The following MED12L variants were observed in gnomAD, a reference collection of about 807,000 sequenced individuals.
MED12L encodes mediator of RNA polymerase II transcription subunit 12-like protein.
A neutral mutation model predicts 281.3 loss-of-function variants in MED12L; 60 were observed. The observed-to-expected ratio is 0.21, with a 90% confidence interval of 0.17 to 0.26. The LOEUF is 0.26. Among genes scored for constraint, MED12L ranks in the 10% least tolerant of loss-of-function variants. The pLI is 1.00. For missense variants in MED12L, 2,146 were observed against 2,680.9 expected (o/e 0.80, Z 4.41); for synonymous variants, 974 against 987.2 (o/e 0.99, Z 0.25).
chr3:151,410,590 A>G lies in MED12L; in HGVS notation c.5911-688A>G, dbSNP rs144838188. On this transcript the variant is annotated intron_variant, in intron 40 of 44. Coordinates refer to ENST00000687756, the MANE Select transcript of MED12L (RefSeq NM_001393769.1). ...ACAGAACTTCAGGTTTCTCTTTTCC[A>G]TAAGGTGACAATACACAAAGAACTA... Among the ~76,000 whole-genome samples the G allele has an allele frequency of 1.5e-3, 225 of 152,318 alleles. 2 individuals are homozygous for G. Among genetic ancestry groups the G allele is most frequent in the African/African-American group, 5.0e-3 (206 of 41,572 alleles).
At chr3:151,298,247 A>G (rs1745366519) in intron 16 of MED12L, among the ~76,000 whole-genome samples, 1 of 152,200 alleles carries the variant, frequency 6.6e-6, no homozygotes. Context: ...AATATTGACC[A>G]GTAAAAGTGA....
chr3:151,361,487 A>G (rs768835584), intron 21 of MED12L, among the ~76,000 whole-genome samples: 70 of 152,150 alleles, frequency 4.6e-4, no homozygotes, highest in Non-Finnish European at 8.2e-4. Flanking sequence ...CAGTTAACCT[A>G]CTTGCTATCT....
chr3:151,381,853 G>T (rs531327871), intron 32 of MED12L, among the ~76,000 whole-genome samples: 12 of 152,318 alleles, frequency 7.9e-5, no homozygotes, highest in Admixed American at 2.6e-4. Context: ...TCACCTTGCA[G>T]GGTACTTACA....
At chr3:151,237,833 TC>T (rs1208050257) in intron 16 of MED12L, among the ~76,000 whole-genome samples, 1 of 152,230 alleles carries the variant, frequency 6.6e-6, no homozygotes, top group African/African-American at 2.4e-5. Flanking sequence ...GGGCATCTCT[TC>T]ATATGATCAC....
chr3:151,328,394 A>G, intron 16 of MED12L: 1 of 1,613,838 alleles, frequency 6.2e-7, no homozygotes, highest in Non-Finnish European at 8.5e-7. Context: ...CATTAGGATA[A>G]AAACAGTCCA....
intron 4 of MED12L, among the ~76,000 whole-genome samples, chr3:151,123,820 A>G (rs931284413): frequency 6.6e-6 from 1 of 152,114 alleles, no homozygotes; most frequent in African/African-American, 2.4e-5. Context: ...CTATTTTCCA[A>G]AGCAACTCTT....
In MED12L at chr3:151,156,233, C is replaced by T. The variant is rs1719259486; in HGVS notation, c.629C>T (p.Ser210Phe). 1.9e-6 allele frequency: 3 copies of T among 1,613,592 alleles called. No individual in the cohort carries two copies. The highest frequency in any genetic ancestry group is 2.5e-6 in the Non-Finnish European group (3 of 1,179,786). The change falls in exon 6 of 45, where the codon TCC (serine) becomes TTC (phenylalanine). Residue 210 changes from serine to phenylalanine, a missense_variant. Coordinates refer to ENST00000687756, the MANE Select transcript of MED12L (RefSeq NM_001393769.1). ...ATTTCTGACTTTTACCACATGGCCTCCAGCACGGGCGATGGCCCTGTCCCT... is the reference window on the plus strand; with the variant it reads ...ATTTCTGACTTTTACCACATGGCCTTCAGCACGGGCGATGGCCCTGTCCCT... ...AKISDFYHMASSTGDGPVPVP... is the reference protein window; with the variant it reads ...AKISDFYHMAFSTGDGPVPVP...
chr3:151,357,182 C>T (rs1375425242), intron 19 of MED12L, 31 bp from the exon 20 acceptor site: 2 of 1,534,164 alleles, frequency 1.3e-6, no homozygotes, highest in Admixed American at 2.0e-5. Flanking sequence ...TTGGCACCTA[C>T]ATGTTTATTC....
At chr3:151,113,174 G>A (rs1712183240) in intron 2 of MED12L, among the ~76,000 whole-genome samples, 1 of 152,206 alleles carries the variant, frequency 6.6e-6, no homozygotes, top group Admixed American at 6.5e-5. Context: ...TTCTCATTGA[G>A]AATGTGAAAT....
intron 16 of MED12L, among the ~76,000 whole-genome samples, chr3:151,244,020 A>G (rs1734809612): frequency 7.9e-6 from 1 of 126,782 alleles, no homozygotes; most frequent in Non-Finnish European, 1.8e-5. Flanking sequence ...GAGACAAAGA[A>G]GGCCATTACA....
chr3:151,376,262 A>G, intron 28 of MED12L, 48 bp downstream of exon 28: 1 of 1,321,000 alleles, frequency 7.6e-7, no homozygotes, highest in Non-Finnish European at 9.9e-7. Context: ...AATTCTTCGT[A>G]ATAATAAAAA....
rs145503183 is a variant in MED12L at position 151,230,487 on chromosome 3, G to T, written c.2250+36821G>T. Among the ~76,000 whole-genome samples, 779 of 151,416 alleles carry T rather than the reference G, an allele frequency of 5.1e-3. 12 individuals carry two copies. The highest frequency in any genetic ancestry group is 0.018 in the African/African-American group (727 of 41,260). On this transcript the variant is annotated intron_variant, in intron 16 of 44. Transcript: ENST00000687756. ...AAATTCTGATAAACACTCCTTTCTC[G>T]TTATACTATACACTACACTTTGATG...
chr3:151,376,395 G>A (rs1002662232), intron 28 of MED12L, among the ~76,000 whole-genome samples, 181 bp downstream of exon 28: 3 of 152,082 alleles, frequency 2.0e-5, no homozygotes, highest in African/African-American at 7.2e-5. Context: ...GCTGCAAATT[G>A]TATATGATCA....
At chr3:151,314,472 T>A (rs1010638980) in intron 16 of MED12L, among the ~76,000 whole-genome samples, 10 of 152,218 alleles carry the variant, frequency 6.6e-5, no homozygotes, top group African/African-American at 1.9e-4. Context: ...TGCTCTTGCC[T>A]CCCTGCTTTA....
Position 151,387,884 on chromosome 3 carries a change from G to T in MED12L, c.5163G>T (p.Leu1721Phe). ...LFEGQKNPAP[L>F]SWAWFGTVRV... The stretch of plus-strand genomic sequence containing the variant: ...AGGGTCAGAAGAACCCAGCTCCTTT[G>T]TCCTGGGCCTGGTTTGGGACAGTCC... The change falls in exon 37 of 45, where the codon TTG becomes TTT. Residue 1721 changes from leucine (L) to phenylalanine (F), a missense_variant. Transcript: ENST00000687756. The T allele has an allele frequency of 6.2e-7, 1 of 1,614,106 alleles. No homozygotes were observed. The highest frequency in any genetic ancestry group is 8.5e-7 in the Non-Finnish European group (1 of 1,180,002).
intron 39 of MED12L, among the ~76,000 whole-genome samples, chr3:151,407,309 C>G (rs142072286): frequency 7.4e-4 from 113 of 152,334 alleles, no homozygotes; most frequent in Middle Eastern, 3.4e-3. Flanking sequence ...CTGTCACATG[C>G]AGATCGCATT....
chr3:151,428,787 T>G (rs1361144005), intron 43 of MED12L, among the ~76,000 whole-genome samples: 1 of 152,178 alleles, frequency 6.6e-6, no homozygotes, highest in Non-Finnish European at 1.5e-5. Context: ...GAATAACACT[T>G]TAGTGTATAT....
intron 16 of MED12L, among the ~76,000 whole-genome samples, chr3:151,315,115 A>T (rs1420334892): frequency 6.6e-6 from 1 of 152,018 alleles, no homozygotes; most frequent in African/African-American, 2.4e-5. Flanking sequence ...ATTTTCATGG[A>T]TTTTCCAGGC....
At chr3:151,086,229 C>A (rs1719161263) in intron 1 of MED12L, among the ~76,000 whole-genome samples, 2 of 152,176 alleles carry the variant, frequency 1.3e-5, no homozygotes, top group South Asian at 4.1e-4. Flanking sequence ...ACCTGGCGGG[C>A]GTCTAGGAGG....
Sources: gnomAD v4.1 joint callset for allele counts (sites outside exome capture counted in the v4.1 genomes callset) on GRCh38, gnomAD v4.1.1 for gene constraint, MANE v1.5 for transcripts, NCBI Gene and HGNC (gene_info 2026-07-23, HGNC 2026-07-21) for gene names.